C1orf21: variants seen among roughly 807,000 people sequenced by gnomAD.
The protein encoded by C1orf21 is chromosome 1 open reading frame 21, also known as uncharacterized protein C1orf21.
Under a neutral mutation model 18.7 loss-of-function variants are expected in C1orf21, and 3 were observed. That is an observed-to-expected ratio of 0.16 (90% CI 0.07 to 0.42). The LOEUF is 0.42. Ranked by LOEUF, C1orf21 falls within the 10% of genes least tolerant of loss-of-function variation. The probability of loss-of-function intolerance (pLI) is 0.99; values close to 1 mark genes in which losing one functional copy is unlikely to be tolerated. For synonymous variants in C1orf21, 41 were observed against 46.4 expected, an observed-to-expected ratio of 0.88 and a Z score of 0.47; for missense variants, 104 against 143.6, an observed-to-expected ratio of 0.72 and a Z score of 1.41.
chr1:184,608,882 C>G (rs1402923341), intron 5 of C1orf21, among the ~76,000 whole-genome samples: 2 of 152,180 alleles, frequency 1.3e-5, no homozygotes, highest in Admixed American at 1.3e-4. Flanking sequence ...AACCCTGGGT[C>G]CCAGATGCCC....
intron 1 of C1orf21, among the ~76,000 whole-genome samples, chr1:184,433,596 T>C (rs538729820): frequency 2.7e-4 from 41 of 152,164 alleles, no homozygotes; most frequent in Non-Finnish European, 5.0e-4. Context: ...AAGCCACATA[T>C]GTAATTAAAA....
At chr1:184,496,154 G>C (rs1449909665) in intron 2 of C1orf21, among the ~76,000 whole-genome samples, 2 of 152,096 alleles carry the variant, frequency 1.3e-5, no homozygotes, top group Non-Finnish European at 2.9e-5. Context: ...GGTAAGCCAA[G>C]GCCAGGTCTA....
At chr1:184,510,523 A>G (rs1658128288) in intron 3 of C1orf21, among the ~76,000 whole-genome samples, 1 of 152,188 alleles carries the variant, frequency 6.6e-6, no homozygotes, top group South Asian at 2.1e-4. Flanking sequence ...GAAAAAGCTG[A>G]CATTTACGAT....
intron 2 of C1orf21, among the ~76,000 whole-genome samples, chr1:184,495,908 ACT>A (rs1170235093): frequency 1.5e-5 from 2 of 131,786 alleles, no homozygotes; most frequent in Non-Finnish European, 3.1e-5. Context: ...ACAGAGTGAG[ACT>A]CTGTCTCAAA....
intron 4 of C1orf21, among the ~76,000 whole-genome samples, chr1:184,593,087 A>G (rs1402369817): frequency 6.6e-6 from 1 of 152,198 alleles, no homozygotes; most frequent in Non-Finnish European, 1.5e-5. Flanking sequence ...TGTCTGAAAA[A>G]TGCTATTTTA....
intron 1 of C1orf21, among the ~76,000 whole-genome samples, chr1:184,437,989 A>G (rs1384714579): frequency 1.3e-5 from 2 of 152,184 alleles, no homozygotes; most frequent in Non-Finnish European, 1.5e-5. Flanking sequence ...GACAGGAGGC[A>G]GAACTCAGGC....
At chr1:184,412,825 A>G (rs1445756003) in intron 1 of C1orf21, among the ~76,000 whole-genome samples, 1 of 152,184 alleles carries the variant, frequency 6.6e-6, no homozygotes, top group Non-Finnish European at 1.5e-5. Context: ...AAAACAAAAA[A>G]TTCAGTTATA....
chr1:184,444,484 C>T (rs1025931784), intron 1 of C1orf21, among the ~76,000 whole-genome samples: 8 of 152,112 alleles, frequency 5.3e-5, no homozygotes, highest in African/African-American at 1.9e-4. Flanking sequence ...GTGCGTTTCA[C>T]CTCCCACTAT....
chr1:184,467,589 C>G (rs1389558047), intron 1 of C1orf21, among the ~76,000 whole-genome samples: 1 of 152,188 alleles, frequency 6.6e-6, no homozygotes, highest in Non-Finnish European at 1.5e-5. Flanking sequence ...CTGTCTGCAT[C>G]CAGTCTGCCT....
At chr1:184,591,377 A>G (rs1659433597) in intron 4 of C1orf21, among the ~76,000 whole-genome samples, 1 of 152,238 alleles carries the variant, frequency 6.6e-6, no homozygotes, top group Admixed American at 6.5e-5. Flanking sequence ...GGAGACTATC[A>G]CTATGACCAT....
intron 2 of C1orf21, among the ~76,000 whole-genome samples, chr1:184,489,316 A>G (rs1205899375): frequency 2.0e-5 from 3 of 152,224 alleles, no homozygotes; most frequent in Non-Finnish European, 4.4e-5. Flanking sequence ...GAGAAAAAAT[A>G]TAAAGGGACA....
Position 184,621,844 on chromosome 1 carries a change from G to GT in C1orf21, c.*2291dup, listed in dbSNP as rs1379612039. On this transcript the variant is annotated 3_prime_UTR_variant, in exon 6 of 6. Transcript: ENST00000235307. Reference sequence around the variant, plus strand: ...TTTTCACCTGGGTTCTGGCTCCGGTGTTTAACACTGGATACATCTTTGATG... The same window carrying GT: ...TTTTCACCTGGGTTCTGGCTCCGGTGTTTTAACACTGGATACATCTTTGATG... 1 of 152,190 alleles carries GT rather than the reference G, an allele frequency of 6.6e-6. No individual in the cohort carries two copies. Among genetic ancestry groups the GT allele is most frequent in the Non-Finnish European group, 1.5e-5 (1 of 68,044 alleles). 9.4% of individuals were successfully genotyped at this position (152,190 alleles called of 1,614,324 possible).
intron 2 of C1orf21, among the ~76,000 whole-genome samples, chr1:184,504,725 C>T (rs992707242): frequency 2.0e-5 from 3 of 151,970 alleles, no homozygotes; most frequent in Non-Finnish European, 4.4e-5. Flanking sequence ...TGTTTTATAC[C>T]GTGATGGATT....
chr1:184,597,979 G>A lies in C1orf21; in HGVS notation c.267-422G>A, dbSNP rs149087282. On this transcript the variant is annotated intron_variant, in intron 4 of 5. Coordinates refer to ENST00000235307, the MANE Select transcript of C1orf21 (RefSeq NM_030806.4). Reference sequence around the variant, plus strand: ...GTCAGCTGGAGATCATGCTGATACTGATAACCTTTGTAAAATATATATTTC... The same window carrying A: ...GTCAGCTGGAGATCATGCTGATACTAATAACCTTTGTAAAATATATATTTC... 4.7e-4 allele frequency among the ~76,000 whole-genome samples: 71 copies of A among 152,252 alleles called. 1 individual carries two copies. In the East Asian group the frequency reaches 0.012, roughly 26 times the overall value.
At chr1:184,612,033 G>T (rs1171013074) in intron 5 of C1orf21, among the ~76,000 whole-genome samples, 1 of 152,056 alleles carries the variant, frequency 6.6e-6, no homozygotes, top group Non-Finnish European at 1.5e-5. Flanking sequence ...TTTTTTAAAA[G>T]CCTTACTGAA....
chr1:184,415,436 G>C (rs1023284928), intron 1 of C1orf21, among the ~76,000 whole-genome samples: 1 of 152,160 alleles, frequency 6.6e-6, no homozygotes. Context: ...CTGTTCAGTA[G>C]GTCTGGGATG....
chr1:184,560,384 T>C (rs1351413788), intron 3 of C1orf21, among the ~76,000 whole-genome samples: 1 of 152,274 alleles, frequency 6.6e-6, no homozygotes, highest in East Asian at 1.9e-4. Context: ...GAAAACCTTT[T>C]ACAATAAACC....
chr1:184,513,769 G>T (rs182151395), intron 3 of C1orf21, among the ~76,000 whole-genome samples: 59 of 152,378 alleles, frequency 3.9e-4, no homozygotes, highest in African/African-American at 1.2e-3. Context: ...GGAAAGAGCT[G>T]TTTCAGTGAA....
chr1:184,503,971 A>G (rs1293196911), intron 2 of C1orf21, among the ~76,000 whole-genome samples: 1 of 152,234 alleles, frequency 6.6e-6, no homozygotes, highest in African/African-American at 2.4e-5. Context: ...GTTTGAGATC[A>G]GAAGGGATCT....
Sources: gnomAD v4.1 joint callset for allele counts (sites outside exome capture counted in the v4.1 genomes callset) on GRCh38, gnomAD v4.1.1 for gene constraint, MANE v1.5 for transcripts, NCBI Gene and HGNC (gene_info 2026-07-23, HGNC 2026-07-21) for gene names.